Variants in RSF1 observed in about 807,000 individuals in gnomAD.
RSF1 encodes HBV pX-associated protein 8.
RSF1 carries 13 observed loss-of-function variants against 145.2 expected under a neutral mutation model. That is an observed-to-expected ratio of 0.09 (90% CI 0.06 to 0.14). The LOEUF is 0.14. Ranked by LOEUF, RSF1 falls within the 10% of genes least tolerant of loss-of-function variation. RSF1 has a pLI of 1.00. For synonymous variants in RSF1, 577 were observed against 592.6 expected, an observed-to-expected ratio of 0.97 and a Z score of 0.38; for missense variants, 1,517 against 1,718.2, an observed-to-expected ratio of 0.88 and a Z score of 2.07.
intron 1 of RSF1, among the ~76,000 whole-genome samples, chr11:77,780,824 CAAA>C (rs33925149): frequency 1.6e-5 from 2 of 127,846 alleles, no homozygotes; most frequent in Non-Finnish European, 1.6e-5. Flanking sequence ...GACTCCGTCT[CAAA>C]AAAAAAAAAA....
the RSF1 span, among the ~76,000 whole-genome samples, chr11:77,831,616 C>G: frequency 2.0e-5 from 3 of 152,014 alleles, no homozygotes; most frequent in Admixed American, 6.6e-5. Context: ...TTTACTCTCC[C>G]AAGCCATGCT....
intron 12 of RSF1, 79 bp from the exon 13 acceptor site, chr11:77,677,078 C>T (rs1590824220): frequency 9.3e-7 from 1 of 1,076,262 alleles, no homozygotes; most frequent in East Asian, 2.4e-5. Context: ...TAGAGACAGT[C>T]CTTATTCATG....
chr11:77,771,146 A>C (rs532057924), intron 1 of RSF1, among the ~76,000 whole-genome samples: 1 of 152,322 alleles, frequency 6.6e-6, no homozygotes, highest in Non-Finnish European at 1.5e-5. Flanking sequence ...AGAAAGAATG[A>C]CGTGACAGTA....
chr11:77,806,372 G>A (rs142766337), intron 1 of RSF1, among the ~76,000 whole-genome samples: 336 of 152,248 alleles, frequency 2.2e-3, no homozygotes, highest in African/African-American at 7.2e-3. Flanking sequence ...AATAACATAT[G>A]CTTTTCATGC....
At chr11:77,818,482 C>T (rs623173) in intron 1 of RSF1, among the ~76,000 whole-genome samples, 125,361 of 152,208 alleles carry the variant, frequency 0.82, 52,109 homozygotes, top group African/African-American at 0.94. Flanking sequence ...CAATGACTAC[C>T]TTCTTAAAAA....
chr11:77,724,742 AGT>A (rs1372118457), intron 5 of RSF1, among the ~76,000 whole-genome samples: 2 of 152,076 alleles, frequency 1.3e-5, no homozygotes, highest in Non-Finnish European at 2.9e-5. Flanking sequence ...CCCTTGCATA[AGT>A]GGTTCACAAT....
the RSF1 span, chr11:77,869,626 A>G: frequency 8.3e-7 from 1 of 1,200,574 alleles, no homozygotes; most frequent in Non-Finnish European, 1.2e-6. Flanking sequence ...AGTGAACCTC[A>G]GTAGACATTT....
Position 77,807,979 on chromosome 11 carries a change from T to G in RSF1, c.187+12549A>C, listed in dbSNP as rs925507861. Among the ~76,000 whole-genome samples the G allele has an allele frequency of 2.0e-5, 3 of 152,156 alleles. No individual in the cohort carries two copies. The South Asian group carries it at 6.2e-4, about 31-fold the overall frequency. On this transcript the variant is annotated intron_variant, in intron 1 of 15. Coordinates refer to ENST00000308488, the MANE Select transcript of RSF1 (RefSeq NM_016578.4). ...TAGGTACAGGAGACGAAGTCTAATTTCCAAAATATTCAAGAAGAAAATTAT... is the reference window on the plus strand; with the variant it reads ...TAGGTACAGGAGACGAAGTCTAATTGCCAAAATATTCAAGAAGAAAATTAT...
At chr11:77,815,919 T>C (rs1948777495) in intron 1 of RSF1, among the ~76,000 whole-genome samples, 2 of 152,144 alleles carry the variant, frequency 1.3e-5, no homozygotes, top group Admixed American at 1.3e-4. Context: ...TCTTAATCAT[T>C]AAAAGACTAA....
At chr11:77,862,883 G>C in the RSF1 span, among the ~76,000 whole-genome samples, 1 of 152,164 alleles carries the variant, frequency 6.6e-6, no homozygotes, top group South Asian at 2.1e-4. Context: ...TAGTGTCTGA[G>C]AGTCAAATTG....
intron 7 of RSF1, among the ~76,000 whole-genome samples, chr11:77,696,540 T>C (rs1002750858): frequency 6.7e-6 from 1 of 149,484 alleles, no homozygotes; most frequent in African/African-American, 2.5e-5. Context: ...ATTCACAATA[T>C]AATTTCTGCT....
intron 8 of RSF1, among the ~76,000 whole-genome samples, chr11:77,692,715 G>A (rs1229381577): frequency 1.4e-5 from 2 of 143,140 alleles, no homozygotes; most frequent in Non-Finnish European, 3.0e-5. Flanking sequence ...GTCTTGCTCT[G>A]TTGCCAGGCT....
intron 4 of RSF1, among the ~76,000 whole-genome samples, chr11:77,737,637 T>G (rs1590859384): frequency 3.2e-5 from 3 of 93,182 alleles, no homozygotes; most frequent in Admixed American, 1.0e-4. Flanking sequence ...TGTGTGTGTG[T>G]GTGTGTGTGT....
At chr11:77,871,787 T>C in the RSF1 span, among the ~76,000 whole-genome samples, 11 of 152,340 alleles carry the variant, frequency 7.2e-5, no homozygotes, top group South Asian at 4.1e-4. Context: ...ATGTTTCACA[T>C]ACCCTTAGCT....
chr11:77,705,675 G>C (rs1960531002), intron 5 of RSF1, among the ~76,000 whole-genome samples: 2 of 152,164 alleles, frequency 1.3e-5, no homozygotes, highest in African/African-American at 4.8e-5. Context: ...AAGGGAGTCA[G>C]CTGACTGGTG....
At position 77,800,927 on chromosome 11, in the gene RSF1, C is replaced by T. The variant is rs148921616; in HGVS notation, c.187+19601G>A. ...AGCTGAGGCAAGAGGACTGCTTAAG[C>T]CCACTAGGTCAAGGTGGCAGTGAGC... is the stretch of plus-strand genomic sequence containing the variant. On this transcript the variant is annotated intron_variant, in intron 1 of 15. Transcript: ENST00000308488. Among the ~76,000 whole-genome samples the T allele has an allele frequency of 1.9e-3, 284 of 152,224 alleles. 2 individuals carry two copies. Among genetic ancestry groups the T allele is most frequent in the Middle Eastern group, 3.4e-3 (1 of 294 alleles).
the RSF1 span, chr11:77,866,277 G>GA: frequency 6.6e-6 from 1 of 152,134 alleles, no homozygotes; most frequent in African/African-American, 2.4e-5. Context: ...TTCCCCCGCA[G>GA]AAAAAACAAT....
At chr11:77,697,451 A>T (rs901421361) in intron 7 of RSF1, among the ~76,000 whole-genome samples, 5 of 28,548 alleles carry the variant, frequency 1.8e-4, no homozygotes, top group Non-Finnish European at 3.2e-4. Context: ...TATATATATA[A>T]ATATATTATA....
the RSF1 span, among the ~76,000 whole-genome samples, chr11:77,858,509 G>C: frequency 2.0e-5 from 3 of 151,774 alleles, no homozygotes; most frequent in Non-Finnish European, 4.4e-5. Flanking sequence ...CTACCTGATT[G>C]GTTGGGTGTG....
Sources: allele counts gnomAD v4.1 joint callset (sites outside exome capture counted in the v4.1 genomes callset), GRCh38; gene constraint gnomAD v4.1.1; transcripts MANE v1.5; gene names NCBI Gene and HGNC (gene_info 2026-07-23, HGNC 2026-07-21).